The following HOXA3 variants were observed in gnomAD, a reference collection of about 807,000 sequenced individuals.
The protein encoded by HOXA3 is homeobox A3.
HOXA3 carries 8 observed loss-of-function variants against 30.3 expected under a neutral mutation model. The ratio of observed to expected loss-of-function variants is 0.26; its 90% CI spans 0.15 to 0.48. The LOEUF (loss-of-function observed/expected upper bound fraction) is 0.48, where lower values mean the gene tolerates loss of function less well. HOXA3 is among the 20% of genes least tolerant of loss of function. HOXA3 has a pLI of 0.99. For synonymous variants in HOXA3, 323 were observed against 273.1 expected (o/e 1.18, Z -1.80); for missense variants, 653 against 614.4 (o/e 1.06, Z -0.66).
At chr7:27,151,000 C>A (rs1782953868) in intron 1 of HOXA3, 1 of 152,332 alleles carries the variant, frequency 6.6e-6, no homozygotes, top group Non-Finnish European at 1.5e-5. Flanking sequence ...AGCGCCAGCA[C>A]GGTCGCAATA....
intron 3 of HOXA3, among the ~76,000 whole-genome samples, chr7:27,125,241 G>A (rs985877980): frequency 2.0e-5 from 3 of 152,228 alleles, no homozygotes; most frequent in Admixed American, 6.5e-5. Context: ...AACGGTGGAG[G>A]GAGGATCATT....
chr7:27,119,096 T>A (rs749041977), intron 4 of HOXA3, among the ~76,000 whole-genome samples: 13 of 151,610 alleles, frequency 8.6e-5, no homozygotes, highest in African/African-American at 1.5e-4. Context: ...GAATTATAAG[T>A]TTCTAAACAT....
At chr7:27,121,213 C>CTGTGTTTG (rs1784989674) in intron 4 of HOXA3, 1 of 119,376 alleles carries the variant, frequency 8.4e-6, no homozygotes, top group Admixed American at 8.6e-5. Flanking sequence ...TCTTAGCCCA[C>CTGTGTTTG]TGTGTGCGTG....
At chr7:27,109,761 G>C (rs1784254676) in intron 5 of HOXA3, among the ~76,000 whole-genome samples, 1 of 152,346 alleles carries the variant, frequency 6.6e-6, no homozygotes, top group African/African-American at 2.4e-5. Context: ...GGATGTCACT[G>C]TTTCATTAGA....
At chr7:27,147,209 TC>T in intron 1 of HOXA3, 1 of 1,222,792 alleles carries the variant, frequency 8.2e-7, no homozygotes. Context: ...TTTCATCCTT[TC>T]TTTCTCTCTA....
chr7:27,129,529 G>C (rs1202003894), intron 2 of HOXA3: 1 of 1,614,122 alleles, frequency 6.2e-7, no homozygotes, highest in South Asian at 1.1e-5. Context: ...GGTGTAGGCG[G>C]TTCGAGAGCG....
chr7:27,131,393 C>G (rs1655651434), intron 2 of HOXA3, among the ~76,000 whole-genome samples: 1 of 152,216 alleles, frequency 6.6e-6, no homozygotes. Flanking sequence ...CCTGAGAGCC[C>G]TTGCTTTGAG....
At chr7:27,117,493 G>C (rs539373621) in intron 4 of HOXA3, among the ~76,000 whole-genome samples, 121 of 152,250 alleles carry the variant, frequency 7.9e-4, no homozygotes, top group Middle Eastern at 3.4e-3. Flanking sequence ...TGGGGCAGAG[G>C]GTGCTCAGGG....
Position 27,128,970 on chromosome 7 carries a change from C to T in HOXA3, c.-389-1900G>A, listed in dbSNP as rs577850386. The T allele has an allele frequency of 7.1e-6, 4 of 559,558 alleles. No homozygotes were observed. The Admixed American group carries it at 9.3e-5, about 13-fold the overall frequency. The allele number at this position is 559,558 out of a possible 1,614,324, so 34.7% of individuals were successfully genotyped here. On this transcript the variant is annotated intron_variant, in intron 2 of 5. Coordinates refer to ENST00000612286, the MANE Select transcript of HOXA3 (RefSeq NM_153631.3). ...TACCAAGTAGTCCTTCTCAGGTATC[C>T]ACACCTGGCAGCCTTGTTTCGGGCC...
chr7:27,112,775 A>G (rs1344117484), intron 4 of HOXA3, among the ~76,000 whole-genome samples: 1 of 148,062 alleles, frequency 6.8e-6, no homozygotes, highest in Non-Finnish European at 1.5e-5. Context: ...AAGATATTAG[A>G]TAAAACAAAA....
chr7:27,129,903 C>T, intron 2 of HOXA3: 2 of 621,436 alleles, frequency 3.2e-6, no homozygotes, highest in Non-Finnish European at 5.6e-6. Flanking sequence ...TCTCGTAAAT[C>T]TCCTGATAAA....
Position 27,108,234 on chromosome 7 carries a change from C to G in HOXA3, c.1013G>C (p.Gly338Ala), listed in dbSNP as rs768312265. The change falls in exon 6 of 6, where the codon GGC (glycine) becomes GCC (alanine). Residue 338 changes from glycine (G) to alanine (A), a missense_variant. Gly to Ala is a moderately conservative substitution (Grantham distance 60, BLOSUM62 0). Transcript: ENST00000612286. The surrounding 1 kb of genome is among the most constrained non-coding windows in gnomAD (Gnocchi z 5.0). ...AGCGTGCGGGTCATAGTCGGGGGTG[C>G]CCCCTGCGCCCGCCCCTGCCGCCGT... ...RYTAAGAGAG[G>A]TPDYDPHAHG... 2 of 1,518,262 alleles carry G rather than the reference C, an allele frequency of 1.3e-6. No homozygotes were observed. Among genetic ancestry groups the G allele is most frequent in the Non-Finnish European group, 1.8e-6 (2 of 1,133,374 alleles). 94.0% of individuals were successfully genotyped at this position (1,518,262 alleles called of 1,614,324 possible).
chr7:27,143,535 C>T, intron 1 of HOXA3: 2 of 1,613,342 alleles, frequency 1.2e-6, no homozygotes, highest in Non-Finnish European at 1.7e-6. Flanking sequence ...CTATGATCTC[C>T]ATAATTATGC....
At chr7:27,140,673 T>A (rs1782532459) in intron 1 of HOXA3, 1 of 152,200 alleles carries the variant, frequency 6.6e-6, no homozygotes, top group Non-Finnish European at 1.5e-5. Flanking sequence ...CATAGCAGCG[T>A]CTTCAGCAAG....
intron 4 of HOXA3, chr7:27,121,252 T>TGC (rs1562717996): frequency 1.3e-5 from 2 of 152,160 alleles, no homozygotes; most frequent in East Asian, 3.8e-4. Flanking sequence ...TGTGTGTGTG[T>TGC]GTGTGTGTGT....
At chr7:27,120,708 A>G (rs1784964244) in intron 4 of HOXA3, among the ~76,000 whole-genome samples, 1 of 152,084 alleles carries the variant, frequency 6.6e-6, no homozygotes, top group Non-Finnish European at 1.5e-5. Flanking sequence ...AATTAACATT[A>G]ATGACTTGGG....
At position 27,108,348 on chromosome 7, in the gene HOXA3, G is replaced by A. The variant is rs150165110; in HGVS notation, c.899C>T (p.Pro300Leu). The change falls in exon 6 of 6, where the codon CCC becomes CTC. Residue 300 changes from proline to leucine, a missense_variant. Pro to Leu is a moderately conservative substitution (Grantham distance 98, BLOSUM62 -3). Around this residue, in one of 3 missense-constraint regions of HOXA3, gnomAD observed 330 missense variants for 274.4 expected, o/e 1.20. Transcript: ENST00000612286. This position sits in a 1 kb window ranked among gnomAD's most constrained non-coding sequence, Gnocchi z 5.0. ...EPQSPPPFSK[P>L]PQGTYGLPPA... ...GGGCAGCCCGTAGGTACCCTGGGGG[G>A]GCTTGGAGAAGGGCGGGGGCGACTG... 7.1e-5 allele frequency: 108 copies of A among 1,519,372 alleles called. No individual in the cohort carries two copies. The African/African-American group carries it at 1.3e-3, about 18-fold the overall frequency. The allele number at this position is 1,519,372 out of a possible 1,614,324, so 94.1% of individuals were successfully genotyped here.
chr7:27,115,944 A>G (rs1784700966), intron 4 of HOXA3: 1 of 152,680 alleles, frequency 6.5e-6, no homozygotes, highest in Non-Finnish European at 1.5e-5. Context: ...TTATTTTAAA[A>G]TAATAATTTA....
chr7:27,129,535 G>C (rs756186939), intron 2 of HOXA3: 1 of 1,613,988 alleles, frequency 6.2e-7, no homozygotes, highest in Non-Finnish European at 8.5e-7. Context: ...GGCGGTTCGA[G>C]AGCGCTTAGG....
Sources: gnomAD v4.1 joint callset for allele counts (sites outside exome capture counted in the v4.1 genomes callset) on GRCh38, gnomAD v4.1.1 for gene constraint, gnomAD v4.1.1 regional missense constraint, Gnocchi (gnomAD v3.1) non-coding constraint, MANE v1.5 for transcripts, NCBI Gene and HGNC (gene_info 2026-07-23, HGNC 2026-07-21) for gene names.